RDH10: variants seen among roughly 807,000 people sequenced by gnomAD.
The protein encoded by RDH10 is retinol dehydrogenase 10.
Under a neutral mutation model 30.2 loss-of-function variants are expected in RDH10, and 12 were observed. That is an observed-to-expected ratio of 0.40 (90% CI 0.25 to 0.64). The LOEUF (loss-of-function observed/expected upper bound fraction) is 0.64. Among genes scored for constraint, RDH10 ranks in the 30% least tolerant of loss-of-function variants. RDH10 has a pLI of 0.43. For synonymous variants in RDH10, 189 were observed against 172.2 expected, an observed-to-expected ratio of 1.10 and a Z score of -0.76; for missense variants, 268 against 445.2, an observed-to-expected ratio of 0.60 and a Z score of 3.58.
intron 2 of RDH10, among the ~76,000 whole-genome samples, chr8:73,306,362 T>C (rs191673110): frequency 6.6e-6 from 1 of 152,392 alleles, no homozygotes; most frequent in East Asian, 1.9e-4. Context: ...CCCAGTGTAT[T>C]TCATTCTTGA....
intron 2 of RDH10, chr8:73,313,290 G>A (rs529713847): frequency 6.6e-6 from 1 of 152,308 alleles, no homozygotes; most frequent in Admixed American, 6.5e-5. Context: ...TCACGTCTAT[G>A]TGCAGTTACT....
chr8:73,309,063 T>C (rs1049655871), intron 2 of RDH10, among the ~76,000 whole-genome samples: 6 of 151,114 alleles, frequency 4.0e-5, no homozygotes, highest in Non-Finnish European at 7.4e-5. Flanking sequence ...ATATTCCATC[T>C]CCCCCTTACC....
At chr8:73,320,304 T>G (rs1814742832) in intron 3 of RDH10, among the ~76,000 whole-genome samples, 1 of 152,236 alleles carries the variant, frequency 6.6e-6, no homozygotes, top group Admixed American at 6.5e-5. Flanking sequence ...GCTTGTGAGC[T>G]TTCATAGAAT....
chr8:73,321,621 C>A, intron 4 of RDH10: 1 of 351,756 alleles, frequency 2.8e-6, no homozygotes, highest in South Asian at 2.2e-5. Flanking sequence ...AAATAAAATA[C>A]CCACACACAT....
At position 73,319,098 on chromosome 8, in the gene RDH10, C is replaced by A. The variant is rs777077714; in HGVS notation, c.528C>A (p.Thr176=). The part of the protein sequence containing the change: ...MMVNCHAHFW[T]TKAFLPTMLE... ...ACTTGAATCTTACTTTGTTTCAGAC[C>A]ACTAAGGCTTTTCTTCCTACGATGC... Residue 176 remains threonine, a splice_region_variant and synonymous_variant, in exon 3 of 6, where the codon ACC becomes ACA. Coordinates refer to ENST00000240285, the MANE Select transcript of RDH10 (RefSeq NM_172037.5). 1 of 1,604,400 alleles carries A rather than the reference C, an allele frequency of 6.2e-7. No individual in the cohort carries two copies. Among genetic ancestry groups the A allele is most frequent in the Admixed American group, 1.7e-5 (1 of 59,796 alleles).
intron 2 of RDH10, among the ~76,000 whole-genome samples, chr8:73,308,997 T>C (rs1329160932): frequency 6.6e-6 from 1 of 152,130 alleles, no homozygotes; most frequent in Non-Finnish European, 1.5e-5. Context: ...GCCCAGGTGA[T>C]TCCTACACGC....
At position 73,295,457 on chromosome 8, in the gene RDH10, C is replaced by T. The variant is rs1291993690; in HGVS notation, c.168C>T (p.Phe56=). Residue 56 remains phenylalanine, a synonymous_variant, in exon 1 of 6, where the codon TTC becomes TTT. Coordinates refer to ENST00000240285, the MANE Select transcript of RDH10 (RefSeq NM_172037.5). ...SGLGRLFALE[F]ARRRALLVLW... is the part of the protein sequence containing the mutation. ...TGGGCCGCCTCTTCGCGCTGGAGTTCGCCCGGCGTCGGGCGCTGCTGGTGC... is the reference window on the plus strand; with the variant it reads ...TGGGCCGCCTCTTCGCGCTGGAGTTTGCCCGGCGTCGGGCGCTGCTGGTGC... 1 of 1,551,002 alleles carries T rather than the reference C, an allele frequency of 6.4e-7. No individual in the cohort carries two copies.
chr8:73,308,831 T>C (rs112869690), intron 2 of RDH10, among the ~76,000 whole-genome samples: 1 of 152,158 alleles, frequency 6.6e-6, no homozygotes, highest in Non-Finnish European at 1.5e-5. Flanking sequence ...ATTGCCTGTT[T>C]CACTGAACTC....
intron 1 of RDH10, 199 bp downstream of exon 1, chr8:73,295,777 G>C (rs560799749): frequency 2.1e-6 from 2 of 959,880 alleles, no homozygotes; most frequent in Non-Finnish European, 2.8e-6. Flanking sequence ...GGGAGAAGGT[G>C]CCCTGTCCTC....
At chr8:73,309,461 G>A (rs1164047301) in intron 2 of RDH10, among the ~76,000 whole-genome samples, 1 of 152,162 alleles carries the variant, frequency 6.6e-6, no homozygotes, top group Non-Finnish European at 1.5e-5. Flanking sequence ...TTTCAATATT[G>A]TTCCTCTGTG....
intron 2 of RDH10, among the ~76,000 whole-genome samples, chr8:73,301,821 C>CT (rs1482446975): frequency 1.3e-5 from 2 of 152,208 alleles, no homozygotes; most frequent in Non-Finnish European, 2.9e-5. Context: ...CAAACCAGGG[C>CT]TGTCTCACCC....
chr8:73,314,439 A>C (rs1290224463), intron 2 of RDH10, among the ~76,000 whole-genome samples: 1 of 152,230 alleles, frequency 6.6e-6, no homozygotes, highest in Admixed American at 6.5e-5. Context: ...CCCAGACATA[A>C]GGCAGGAGTT....
chr8:73,322,476 T>C (rs144430893), intron 4 of RDH10: 15 of 505,848 alleles, frequency 3.0e-5, no homozygotes, highest in African/African-American at 1.6e-4. Flanking sequence ...TGCTTTTTTT[T>C]CCCAACTTGT....
At chr8:73,314,600 G>A (rs966933679) in intron 2 of RDH10, among the ~76,000 whole-genome samples, 3 of 152,174 alleles carry the variant, frequency 2.0e-5, no homozygotes, top group African/African-American at 7.2e-5. Flanking sequence ...CCCCAAGCCT[G>A]CCTTTGCCCG....
chr8:73,310,516 G>A (rs376670712), intron 2 of RDH10, among the ~76,000 whole-genome samples: 2 of 152,204 alleles, frequency 1.3e-5, no homozygotes, highest in African/African-American at 4.8e-5. Context: ...GGCTAAGCTC[G>A]CATGCATGTG....
At chr8:73,318,981 A>C (rs1452034434) in intron 2 of RDH10, 115 bp from the exon 3 acceptor site, 1 of 661,450 alleles carries the variant, frequency 1.5e-6, no homozygotes, top group African/African-American at 1.8e-5. Context: ...AATATTTTTA[A>C]AGGAATTGGG....
intron 1 of RDH10, 43 bp downstream of exon 1, chr8:73,295,621 T>C: frequency 6.9e-7 from 1 of 1,439,510 alleles, no homozygotes; most frequent in South Asian, 1.4e-5. Context: ...TCAAGCCTCT[T>C]TCCACCCCGC....
intron 2 of RDH10, among the ~76,000 whole-genome samples, chr8:73,314,877 C>T (rs1296683007): frequency 6.6e-6 from 1 of 152,114 alleles, no homozygotes; most frequent in African/African-American, 2.4e-5. Context: ...ATACAGAAGG[C>T]CAGATTTGTC....
At chr8:73,318,520 G>A (rs754968206) in intron 2 of RDH10, among the ~76,000 whole-genome samples, 11 of 152,234 alleles carry the variant, frequency 7.2e-5, no homozygotes, top group South Asian at 2.1e-4. Flanking sequence ...CACAAAAATA[G>A]TTCTATAATT....
Sources: allele counts gnomAD v4.1 joint callset (sites outside exome capture counted in the v4.1 genomes callset), GRCh38; gene constraint gnomAD v4.1.1; transcripts MANE v1.5; gene names NCBI Gene and HGNC (gene_info 2026-07-23, HGNC 2026-07-21).